The following NXPH1 variants were observed in gnomAD, a reference collection of about 807,000 sequenced individuals.
NXPH1 encodes the protein neurexophilin 1, also known as neurexophilin-1.
In NXPH1, 5 loss-of-function variants were observed where a neutral mutation model predicts 23.7. That is an observed-to-expected ratio of 0.21 (90% CI 0.11 to 0.44). The LOEUF (loss-of-function observed/expected upper bound fraction) is 0.44, where lower values mean the gene tolerates loss of function less well. Among genes scored for constraint, NXPH1 ranks in the 20% least tolerant of loss-of-function variants. NXPH1 has a pLI of 0.99. For synonymous variants in NXPH1, 144 were observed against 122.2 expected, an observed-to-expected ratio of 1.18 and a Z score of -1.18; for missense variants, 324 against 321.6, an observed-to-expected ratio of 1.01 and a Z score of -0.06.
At chr7:8,684,549 C>T (rs187763850) in intron 2 of NXPH1, among the ~76,000 whole-genome samples, 88 of 152,276 alleles carry the variant, frequency 5.8e-4, no homozygotes, top group Middle Eastern at 3.4e-3. Context: ...TAAGCACTAA[C>T]GATCCTGGAT....
At chr7:8,701,585 A>G (rs1166720532) in intron 2 of NXPH1, among the ~76,000 whole-genome samples, 1 of 152,128 alleles carries the variant, frequency 6.6e-6, no homozygotes, top group African/African-American at 2.4e-5. Flanking sequence ...TTTGAGATTC[A>G]GCTTAAATGT....
chr7:8,486,596 A>T (rs756567497), intron 2 of NXPH1, among the ~76,000 whole-genome samples: 1 of 152,174 alleles, frequency 6.6e-6, no homozygotes, highest in African/African-American at 2.4e-5. Context: ...GATCATAAAG[A>T]CCTGCCTAGT....
chr7:8,521,224 A>G (rs1817765457), intron 2 of NXPH1, among the ~76,000 whole-genome samples: 1 of 152,152 alleles, frequency 6.6e-6, no homozygotes, highest in South Asian at 2.1e-4. Flanking sequence ...ACTACCAAAC[A>G]ATCAAAGTGC....
chr7:8,674,183 A>G (rs577017594), intron 2 of NXPH1, among the ~76,000 whole-genome samples: 5 of 139,650 alleles, frequency 3.6e-5, no homozygotes, highest in African/African-American at 5.4e-5. Context: ...ACACACACAC[A>G]CACACACACA....
chr7:8,478,603 G>T, intron 2 of NXPH1, among the ~76,000 whole-genome samples: 1 of 151,956 alleles, frequency 6.6e-6, no homozygotes, highest in East Asian at 1.9e-4. Flanking sequence ...CATAATTCAA[G>T]AAAACTTTCC....
At chr7:8,732,741 T>C (rs1156366987) in intron 2 of NXPH1, among the ~76,000 whole-genome samples, 1 of 152,128 alleles carries the variant, frequency 6.6e-6, no homozygotes, top group Non-Finnish European at 1.5e-5. Flanking sequence ...AAGCTATTTT[T>C]TTCTGGGTTA....
At chr7:8,475,893 T>C (rs1273287785) in intron 2 of NXPH1, among the ~76,000 whole-genome samples, 2 of 152,280 alleles carry the variant, frequency 1.3e-5, no homozygotes, top group Non-Finnish European at 2.9e-5. Flanking sequence ...AATCTTTATC[T>C]CTGTTTTAAT....
intron 2 of NXPH1, among the ~76,000 whole-genome samples, chr7:8,554,765 T>C (rs1818330272): frequency 6.6e-6 from 1 of 151,684 alleles, no homozygotes; most frequent in African/African-American, 2.4e-5. Context: ...CTTGAAATAA[T>C]ACAGCCCGTT....
intron 2 of NXPH1, among the ~76,000 whole-genome samples, chr7:8,647,778 G>GT: frequency 6.8e-6 from 1 of 146,468 alleles, no homozygotes; most frequent in African/African-American, 2.6e-5. Flanking sequence ...TTAACCATTC[G>GT]GTTTTTTTTT....
chr7:8,504,105 A>G (rs578168791), intron 2 of NXPH1, among the ~76,000 whole-genome samples: 4 of 152,102 alleles, frequency 2.6e-5, no homozygotes, highest in Admixed American at 1.3e-4. Context: ...TTCTGTCCCC[A>G]TGTGTGTCCA....
intron 2 of NXPH1, among the ~76,000 whole-genome samples, chr7:8,635,518 C>G (rs1820205609): frequency 6.6e-6 from 1 of 151,976 alleles, no homozygotes; most frequent in South Asian, 2.1e-4. Context: ...AAGACCACTG[C>G]TAAATCTTAA....
At chr7:8,512,970 G>T (rs1448323203) in intron 2 of NXPH1, among the ~76,000 whole-genome samples, 1 of 152,044 alleles carries the variant, frequency 6.6e-6, no homozygotes, top group African/African-American at 2.4e-5. Context: ...ATCCTTAGTG[G>T]TACAGGAAGA....
intron 2 of NXPH1, among the ~76,000 whole-genome samples, chr7:8,521,830 C>T (rs1345198516): frequency 1.3e-5 from 2 of 152,012 alleles, no homozygotes; most frequent in East Asian, 1.9e-4. Context: ...GCTTCCTCAG[C>T]ACATGGGAAG....
intron 2 of NXPH1, among the ~76,000 whole-genome samples, chr7:8,729,529 G>T (rs1425508785): frequency 7.7e-6 from 1 of 129,160 alleles, no homozygotes; most frequent in African/African-American, 3.4e-5. Flanking sequence ...CAGAGATTCT[G>T]GTATGTTGTG....
rs185186738 is a variant in NXPH1 at position 8,593,857 on chromosome 7, A to C, written c.55-157151A>C. Reference sequence around the variant, plus strand: ...TTTTCCATAGATTGGAAGATCCAAAATGTACCTTGGTTTGGTAAAAATATA... The same window carrying C: ...TTTTCCATAGATTGGAAGATCCAAACTGTACCTTGGTTTGGTAAAAATATA... On this transcript the variant is annotated intron_variant, in intron 2 of 2. Transcript: ENST00000405863. 1.9e-3 allele frequency among the ~76,000 whole-genome samples: 295 copies of C among 152,206 alleles called. 3 individuals carry two copies. The highest frequency in any genetic ancestry group is 2.6e-3 in the Non-Finnish European group (177 of 67,974).
intron 2 of NXPH1, among the ~76,000 whole-genome samples, chr7:8,566,425 G>A (rs1039711150): frequency 6.6e-6 from 1 of 151,888 alleles, no homozygotes; most frequent in Non-Finnish European, 1.5e-5. Context: ...GCTTTCCTAT[G>A]AGGATGTTTC....
intron 2 of NXPH1, among the ~76,000 whole-genome samples, chr7:8,627,650 T>A (rs1820022906): frequency 6.6e-6 from 1 of 152,116 alleles, no homozygotes; most frequent in Non-Finnish European, 1.5e-5. Context: ...ACCGTGGCAA[T>A]GAGATTCATT....
chr7:8,633,289 G>A (rs1241516840), intron 2 of NXPH1, among the ~76,000 whole-genome samples: 2 of 152,178 alleles, frequency 1.3e-5, no homozygotes, highest in Non-Finnish European at 2.9e-5. Flanking sequence ...AAAGCCGGAT[G>A]TGGTGGCATG....
At chr7:8,681,204 CCTTTTA>C (rs1156296040) in intron 2 of NXPH1, among the ~76,000 whole-genome samples, 6 of 152,250 alleles carry the variant, frequency 3.9e-5, no homozygotes, top group African/African-American at 1.4e-4. Flanking sequence ...AAAATCCATC[CCTTTTA>C]CTTTTAGATT....
Sources: gnomAD v4.1 joint callset for allele counts (sites outside exome capture counted in the v4.1 genomes callset) on GRCh38, gnomAD v4.1.1 for gene constraint, MANE v1.5 for transcripts, NCBI Gene and HGNC (gene_info 2026-07-23, HGNC 2026-07-21) for gene names.